ME3: variants seen among roughly 807,000 people sequenced by gnomAD.
ME3 encodes the protein NADP-dependent malic enzyme, mitochondrial.
In ME3, 48 loss-of-function variants were observed where a neutral mutation model predicts 68.9. The ratio of observed to expected loss-of-function variants is 0.70; its 90% confidence interval spans 0.55 to 0.89. The LOEUF (loss-of-function observed/expected upper bound fraction) is 0.89, where lower values mean the gene tolerates loss of function less well. Among genes scored for constraint, ME3 ranks in the 40% least tolerant of loss-of-function variants. ME3 has a pLI of 0.00. For synonymous variants in ME3, 320 were observed against 318.8 expected, an observed-to-expected ratio of 1.00 and a Z score of -0.04; for missense variants, 675 against 797.4, an observed-to-expected ratio of 0.85 and a Z score of 1.85.
chr11:86,612,383 G>A (rs1293567452), intron 2 of ME3, among the ~76,000 whole-genome samples: 1 of 152,178 alleles, frequency 6.6e-6, no homozygotes, highest in Non-Finnish European at 1.5e-5. Context: ...ATGTGTGCAT[G>A]TGTCTTTATA....
At position 86,617,045 on chromosome 11, in the gene ME3, G is replaced by GTTTTTTTTTTT. The variant is rs563738961; in HGVS notation, c.183+54706_183+54716dup. Among the ~76,000 whole-genome samples, 61 of 56,320 alleles carry GTTTTTTTTTTT rather than the reference G, an allele frequency of 1.1e-3. 12 individuals carry two copies. Among genetic ancestry groups the GTTTTTTTTTTT allele is most frequent in the Non-Finnish European group, 1.4e-3 (45 of 32,062 alleles). 36.9% of individuals were successfully genotyped at this position (56,320 alleles called of 152,430 possible). A position where few individuals can be genotyped will look rare whatever the true frequency, so the allele number is the denominator to read the frequency against. On this transcript the variant is annotated intron_variant, in intron 2 of 14. Transcript: ENST00000543262. ...ACATCTAAAATACTCCAAGATAGTAGTTTTTTTTTTTTTTTTTTTTTTTTT... is the reference window on the plus strand; with the variant it reads ...ACATCTAAAATACTCCAAGATAGTAGTTTTTTTTTTTTTTTTTTTTTTTTTTTTTTTTTTTT...
intron 2 of ME3, among the ~76,000 whole-genome samples, chr11:86,596,461 A>G (rs1959471802): frequency 6.6e-6 from 1 of 152,202 alleles, no homozygotes; most frequent in African/African-American, 2.4e-5. Flanking sequence ...TTTTCAGTGA[A>G]GCCCAGGAAA....
chr11:86,594,277 A>G (rs1220538707), intron 2 of ME3, among the ~76,000 whole-genome samples: 1 of 146,802 alleles, frequency 6.8e-6, no homozygotes, highest in Non-Finnish European at 1.5e-5. Flanking sequence ...TTGCTAATTT[A>G]TAACACTTAA....
exon 15 of ME3, chr11:86,441,217 C>A (rs772063668): frequency 1.4e-6 from 2 of 1,396,598 alleles, no homozygotes; most frequent in Non-Finnish European, 1.9e-6. Flanking sequence ...TTTTGGAACC[C>A]ATTTATATTG....
chr11:86,651,248 G>A (rs575835394), intron 2 of ME3, among the ~76,000 whole-genome samples: 30 of 152,292 alleles, frequency 2.0e-4, no homozygotes, highest in Admixed American at 7.2e-4. Context: ...AGACAGTAGT[G>A]GTTCTCCCAG....
Position 86,501,173 on chromosome 11 carries a change from C to T in ME3, c.544-3049G>A, listed in dbSNP as rs904095673. Among the ~76,000 whole-genome samples the T allele has an allele frequency of 3.7e-4, 10 of 26,996 alleles. No homozygotes were observed. The East Asian group carries it at 5.7e-3, about 15-fold the overall frequency. The allele number at this position is 26,996 out of a possible 152,430, so 17.7% of individuals were successfully genotyped here. ...CTGAGCTTCAATTCTCCATAAAATGCATATAATAATAATAATAATAATACT... is the reference window on the plus strand; with the variant it reads ...CTGAGCTTCAATTCTCCATAAAATGTATATAATAATAATAATAATAATACT... On this transcript the variant is annotated intron_variant, in intron 5 of 14. Coordinates refer to ENST00000543262, the Ensembl canonical transcript of ME3.
intron 4 of ME3, among the ~76,000 whole-genome samples, chr11:86,533,561 A>C (rs1565913702): frequency 6.6e-6 from 1 of 152,210 alleles, no homozygotes; most frequent in Non-Finnish European, 1.5e-5. Context: ...AATTCTACCA[A>C]ATATTTAAAG....
downstream of ME3, among the ~76,000 whole-genome samples, chr11:86,438,398 G>A (rs191320836): frequency 3.9e-5 from 6 of 151,948 alleles, no homozygotes; most frequent in African/African-American, 1.4e-4. Context: ...ATTTTGTTTA[G>A]GATTTTTTCA....
chr11:86,617,045 GTTTTTTTTTTTTTT>G (rs563738961), intron 2 of ME3, among the ~76,000 whole-genome samples: 30 of 56,324 alleles, frequency 5.3e-4, no homozygotes, highest in East Asian at 2.8e-3. Flanking sequence ...CAAGATAGTA[GTTTTTTTTTTTTTT>G]TTTTTTTTTT....
At position 86,531,392 on chromosome 11, in the gene ME3, CT is replaced by C. The variant is rs569939701; in HGVS notation, c.468-22526del. Among the ~76,000 whole-genome samples the C allele has an allele frequency of 7.5e-3, 1,144 of 152,266 alleles. 36 individuals carry two copies. The highest frequency in any genetic ancestry group is 0.02 in the East Asian group (106 of 5,180). On this transcript the variant is annotated intron_variant, in intron 4 of 14. Transcript: ENST00000543262. Reference sequence around the variant, plus strand: ...GTGGAGAAATAGGAACACTTTTACACTGTTGGTGGGACTGTAAACTAGTTCA... The same window carrying C: ...GTGGAGAAATAGGAACACTTTTACACGTTGGTGGGACTGTAAACTAGTTCA...
intron 2 of ME3, among the ~76,000 whole-genome samples, chr11:86,644,833 T>C (rs1351618682): frequency 6.6e-6 from 1 of 151,852 alleles, no homozygotes; most frequent in African/African-American, 2.4e-5. Flanking sequence ...AGAAGGCGGG[T>C]GATTTCTGCA....
At chr11:86,644,217 G>A (rs947275748) in intron 2 of ME3, among the ~76,000 whole-genome samples, 17 of 152,036 alleles carry the variant, frequency 1.1e-4, no homozygotes, top group African/African-American at 2.2e-4. Context: ...CTGCCTCTCC[G>A]TGACCCCTCC....
intron 2 of ME3, among the ~76,000 whole-genome samples, chr11:86,611,846 A>C (rs566149784): frequency 1.3e-5 from 2 of 152,196 alleles, no homozygotes; most frequent in Non-Finnish European, 2.9e-5. Flanking sequence ...TGCTGAGAGG[A>C]ACAAAGACAA....
At chr11:86,634,758 T>C (rs1594740167) in intron 2 of ME3, among the ~76,000 whole-genome samples, 1 of 152,196 alleles carries the variant, frequency 6.6e-6, no homozygotes, top group East Asian at 1.9e-4. Flanking sequence ...GGTTTGTCCA[T>C]TGTCTTCTTT....
At chr11:86,475,868 TATATATAGAGAG>T (rs1951040567) in intron 7 of ME3, among the ~76,000 whole-genome samples, 3 of 109,668 alleles carry the variant, frequency 2.7e-5, no homozygotes, top group Non-Finnish European at 5.7e-5. Context: ...TATATATATA[TATATATAGAGAG>T]AGAGAGAGAG....
intron 4 of ME3, among the ~76,000 whole-genome samples, chr11:86,549,804 C>G (rs977538659): frequency 6.6e-6 from 1 of 152,168 alleles, no homozygotes. Context: ...AGATGTAGAA[C>G]TCCCCTCCCA....
At chr11:86,658,841 G>C (rs1375885019) in intron 2 of ME3, among the ~76,000 whole-genome samples, 1 of 152,140 alleles carries the variant, frequency 6.6e-6, no homozygotes, top group African/African-American at 2.4e-5. Context: ...TTTCAGCTCT[G>C]ATGGGTGGAT....
chr11:86,462,635 C>T lies in ME3; in HGVS notation c.919+2456G>A, dbSNP rs768043356. 3.4e-5 allele frequency: 44 copies of T among 1,275,446 alleles called. No homozygotes were observed. The South Asian group carries it at 5.0e-4, about 14-fold the overall frequency. The allele number at this position is 1,275,446 out of a possible 1,614,324, so 79.0% of individuals were successfully genotyped here. On this transcript the variant is annotated intron_variant, in intron 8 of 14. Coordinates refer to ENST00000543262, the Ensembl canonical transcript of ME3. ...AGACATCATTCATATATTCTTTAAA[C>T]ATTTATTAGGCATCTATCATGTAGC...
chr11:86,623,183 T>A (rs562848670), intron 2 of ME3, among the ~76,000 whole-genome samples: 2 of 152,218 alleles, frequency 1.3e-5, no homozygotes, highest in African/African-American at 4.8e-5. Flanking sequence ...TATCATCCAA[T>A]CCACTGAGGG....
Sources: allele counts gnomAD v4.1 joint callset (sites outside exome capture counted in the v4.1 genomes callset), GRCh38; gene constraint gnomAD v4.1.1; transcripts MANE v1.5; gene names NCBI Gene and HGNC (gene_info 2026-07-23, HGNC 2026-07-21).